The following SLC2A9 variants were observed in gnomAD, a reference collection of about 807,000 sequenced individuals.
The protein encoded by SLC2A9 is solute carrier family 2, facilitated glucose transporter member 9.
SLC2A9 carries 39 observed loss-of-function variants against 50.6 expected under a neutral mutation model. The observed-to-expected ratio is 0.77, with a 90% CI of 0.60 to 1.01. SLC2A9 has a LOEUF of 1.01. SLC2A9 is among the 50% of genes least tolerant of loss of function. SLC2A9 has a pLI of 0.00. For synonymous variants in SLC2A9, 324 were observed against 276.9 expected (o/e 1.17, Z -1.69); for missense variants, 686 against 677.6 (o/e 1.01, Z -0.14).
At chr4:9,951,389 A>C (rs1750232422) in intron 5 of SLC2A9, among the ~76,000 whole-genome samples, 1 of 152,210 alleles carries the variant, frequency 6.6e-6, no homozygotes, top group Non-Finnish European at 1.5e-5. Context: ...TATAAAAAGG[A>C]ATAAATCCAA....
At chr4:10,019,094 G>C (rs930650036) in intron 1 of SLC2A9, 21 bp from the exon 2 acceptor site, 3 of 1,546,982 alleles carry the variant, frequency 1.9e-6, no homozygotes, top group South Asian at 1.2e-5. Context: ...AGGAAACCAC[G>C]TCAGAGCCGG....
intron 7 of SLC2A9, among the ~76,000 whole-genome samples, chr4:9,917,664 C>A (rs1164738840): frequency 1.3e-5 from 2 of 152,204 alleles, no homozygotes; most frequent in African/African-American, 4.8e-5. Flanking sequence ...ACGTGAAAAA[C>A]ATTCATCAGC....
At chr4:9,888,861 A>G (rs892216683) in intron 9 of SLC2A9, among the ~76,000 whole-genome samples, 6 of 152,056 alleles carry the variant, frequency 3.9e-5, no homozygotes, top group African/African-American at 1.4e-4. Context: ...AGGGGTTGAG[A>G]GGAGCTTCAT....
At position 9,996,778 on chromosome 4, in the gene SLC2A9, G is replaced by T; in HGVS notation, c.410+3C>A. ...CCCCAGATAGAGACAGCCTCCTACT[G>T]ACCTCCCAAGAACCTTTCCAATCAT... On this transcript the variant is annotated splice_donor_region_variant and intron_variant, in intron 3 of 11. Coordinates refer to ENST00000264784, the MANE Select transcript of SLC2A9 (RefSeq NM_020041.3). 1 of 1,613,308 alleles carries T rather than the reference G, an allele frequency of 6.2e-7. No homozygotes were observed. Among genetic ancestry groups the T allele is most frequent in the South Asian group, 1.1e-5 (1 of 90,938 alleles).
At chr4:9,833,825 C>T (rs1726580974) in intron 11 of SLC2A9, among the ~76,000 whole-genome samples, 1 of 152,146 alleles carries the variant, frequency 6.6e-6, no homozygotes, top group Admixed American at 6.5e-5. Flanking sequence ...ATGACGGATT[C>T]TCACCTCCTC....
chr4:9,885,981 A>T (rs140411445), intron 10 of SLC2A9, among the ~76,000 whole-genome samples: 1,882 of 152,364 alleles, frequency 0.012, 20 homozygotes, highest in Non-Finnish European at 0.021. Flanking sequence ...AGTACGCAGG[A>T]AACCAACATG....
downstream of SLC2A9, among the ~76,000 whole-genome samples, chr4:9,825,675 C>G (rs1027703331): frequency 1.3e-5 from 2 of 152,118 alleles, no homozygotes; most frequent in Admixed American, 6.6e-5. Flanking sequence ...TCTTCATGTT[C>G]TCTGTGAGCA....
intron 4 of SLC2A9, among the ~76,000 whole-genome samples, chr4:9,981,632 C>A (rs1240366104): frequency 6.6e-6 from 1 of 152,202 alleles, no homozygotes; most frequent in Non-Finnish European, 1.5e-5. Flanking sequence ...AGAACTTGCA[C>A]TTTTCCCACC....
chr4:9,986,581 G>T (rs1408563566), intron 3 of SLC2A9, among the ~76,000 whole-genome samples: 1 of 152,044 alleles, frequency 6.6e-6, no homozygotes, highest in Non-Finnish European at 1.5e-5. Flanking sequence ...TACAACTTTT[G>T]TTGGCTCCTT....
At chr4:10,019,979 G>A (rs1763300657) in intron 1 of SLC2A9, among the ~76,000 whole-genome samples, 1 of 152,220 alleles carries the variant, frequency 6.6e-6, no homozygotes, top group African/African-American at 2.4e-5. Context: ...TACAGGCCAA[G>A]TGGACAGGGG....
At chr4:10,010,983 A>G (rs999687285) in intron 2 of SLC2A9, among the ~76,000 whole-genome samples, 1 of 152,116 alleles carries the variant, frequency 6.6e-6, no homozygotes, top group African/African-American at 2.4e-5. Flanking sequence ...TCCTCCTACA[A>G]TCATAGGAAG....
At chr4:10,013,563 A>C (rs1341125147) in intron 2 of SLC2A9, among the ~76,000 whole-genome samples, 1 of 152,220 alleles carries the variant, frequency 6.6e-6, no homozygotes, top group African/African-American at 2.4e-5. Context: ...GCAATATTAT[A>C]ACAAGGATCC....
chr4:9,780,698 A>C (rs1173200321), intron 3 of SLC2A9, among the ~76,000 whole-genome samples: 1 of 152,202 alleles, frequency 6.6e-6, no homozygotes, highest in African/African-American at 2.4e-5. Context: ...ACGCCAGTAG[A>C]GGCCGAAACA....
intron 10 of SLC2A9, among the ~76,000 whole-genome samples, chr4:9,858,251 T>C (rs1731045608): frequency 6.6e-6 from 1 of 151,936 alleles, no homozygotes; most frequent in African/African-American, 2.4e-5. Context: ...GGGCATGGAG[T>C]GGGCAGGAGC....
chr4:9,955,541 G>A (rs1751093082), intron 5 of SLC2A9, among the ~76,000 whole-genome samples: 1 of 150,272 alleles, frequency 6.7e-6, no homozygotes, highest in Admixed American at 6.6e-5. Flanking sequence ...AGTTCAAACC[G>A]TGCACTTGAT....
intron 3 of SLC2A9, among the ~76,000 whole-genome samples, chr4:9,813,052 A>G (rs1489817601): frequency 1.3e-5 from 2 of 152,204 alleles, no homozygotes; most frequent in East Asian, 3.8e-4. Context: ...ATGTTTAGTG[A>G]AAGCAAAATG....
intron 5 of SLC2A9, among the ~76,000 whole-genome samples, chr4:9,948,916 A>G (rs911336243): frequency 6.6e-6 from 1 of 152,186 alleles, no homozygotes; most frequent in Admixed American, 6.5e-5. Context: ...CCATCCACAC[A>G]TCTGACAAAA....
chr4:9,867,334 C>A (rs1732655912), intron 10 of SLC2A9, among the ~76,000 whole-genome samples: 1 of 152,244 alleles, frequency 6.6e-6, no homozygotes, highest in African/African-American at 2.4e-5. Flanking sequence ...GCACTCTCTG[C>A]AGCCATGTGG....
chr4:9,852,765 C>A (rs1015681184), intron 10 of SLC2A9, among the ~76,000 whole-genome samples: 2 of 152,222 alleles, frequency 1.3e-5, no homozygotes, highest in Non-Finnish European at 2.9e-5. Flanking sequence ...CACTTAAGTA[C>A]ACAGACCAGT....
Sources: allele counts gnomAD v4.1 joint callset (sites outside exome capture counted in the v4.1 genomes callset), GRCh38; gene constraint gnomAD v4.1.1; transcripts MANE v1.5; gene names NCBI Gene and HGNC (gene_info 2026-07-23, HGNC 2026-07-21).